DNAJC1: variants seen among roughly 807,000 people sequenced by gnomAD.
DNAJC1 encodes dnaJ homolog subfamily C member 1.
In DNAJC1, 58 loss-of-function variants were observed where a neutral mutation model predicts 76.6. The observed-to-expected ratio is 0.76, with a 90% CI of 0.61 to 0.94. DNAJC1 has a LOEUF of 0.94. Among genes scored for constraint, DNAJC1 ranks in the 40% least tolerant of loss-of-function variants. The probability of loss-of-function intolerance (pLI) is 0.00; values close to 1 mark genes in which losing one functional copy is unlikely to be tolerated. For missense variants in DNAJC1, 689 were observed against 677.3 expected (o/e 1.02, Z -0.19); for synonymous variants, 258 against 267.9 (o/e 0.96, Z 0.36).
At chr10:21,927,421 C>T (rs1023260373) in intron 3 of DNAJC1, among the ~76,000 whole-genome samples, 9 of 152,224 alleles carry the variant, frequency 5.9e-5, no homozygotes, top group Non-Finnish European at 1.2e-4. Context: ...ATGTATTACC[C>T]CCCTAGTGAA....
intron 1 of DNAJC1, among the ~76,000 whole-genome samples, chr10:21,947,975 A>C (rs1019579677): frequency 2.6e-5 from 4 of 152,194 alleles, no homozygotes; most frequent in Admixed American, 2.0e-4. Context: ...AATGACAAAG[A>C]AGCAAGGCAA....
chr10:21,843,606 G>T (rs1316399273), intron 8 of DNAJC1, among the ~76,000 whole-genome samples: 1 of 151,846 alleles, frequency 6.6e-6, no homozygotes, highest in Non-Finnish European at 1.5e-5. Flanking sequence ...TGTTAGCCAG[G>T]ATGGTCTCAA....
At chr10:21,943,139 C>A (rs1837446715) in intron 1 of DNAJC1, among the ~76,000 whole-genome samples, 1 of 151,666 alleles carries the variant, frequency 6.6e-6, no homozygotes, top group Admixed American at 6.6e-5. Flanking sequence ...AAATTCTACA[C>A]AGAGGAAAAT....
intron 6 of DNAJC1, among the ~76,000 whole-genome samples, chr10:21,911,493 A>G (rs1836863197): frequency 6.6e-6 from 1 of 152,194 alleles, no homozygotes; most frequent in Admixed American, 6.5e-5. Flanking sequence ...CAGAACTATA[A>G]TAAGACTAAA....
chr10:21,816,859 TAAA>T (rs1290952806), intron 8 of DNAJC1, among the ~76,000 whole-genome samples: 2 of 116,220 alleles, frequency 1.7e-5, no homozygotes, highest in Admixed American at 8.5e-5. Context: ...CTCTGTCTCT[TAAA>T]AAAAAAAAAA....
chr10:21,853,815 A>G (rs2131691564), intron 8 of DNAJC1, among the ~76,000 whole-genome samples: 1 of 150,860 alleles, frequency 6.6e-6, no homozygotes, highest in East Asian at 1.9e-4. Flanking sequence ...AAAAAAAAAA[A>G]AGACTATCAC....
At chr10:21,765,910 G>A (rs1269308778) in intron 10 of DNAJC1, among the ~76,000 whole-genome samples, 1 of 152,246 alleles carries the variant, frequency 6.6e-6, no homozygotes, top group South Asian at 2.1e-4. Context: ...AGCTCTGCAA[G>A]TGCGGCAGTG....
At chr10:21,842,747 G>C (rs1263793463) in intron 8 of DNAJC1, among the ~76,000 whole-genome samples, 1 of 152,138 alleles carries the variant, frequency 6.6e-6, no homozygotes, top group Non-Finnish European at 1.5e-5. Flanking sequence ...TTCCACCTCT[G>C]CCTTCCCATA....
intron 9 of DNAJC1, among the ~76,000 whole-genome samples, chr10:21,786,749 G>A (rs1211089128): frequency 6.6e-6 from 1 of 152,008 alleles, no homozygotes; most frequent in Non-Finnish European, 1.5e-5. Context: ...GGGATTATAG[G>A]CATGAGCCAC....
intron 1 of DNAJC1, among the ~76,000 whole-genome samples, chr10:21,974,770 G>T (rs1326428562): frequency 6.6e-6 from 1 of 151,968 alleles, no homozygotes; most frequent in Non-Finnish European, 1.5e-5. Context: ...GAGAAAAAAC[G>T]ATGTTACTTA....
At chr10:21,984,501 A>G (rs1346687090) in intron 1 of DNAJC1, among the ~76,000 whole-genome samples, 1 of 152,216 alleles carries the variant, frequency 6.6e-6, no homozygotes, top group Non-Finnish European at 1.5e-5. Flanking sequence ...TCACCCTTTA[A>G]GAGCTTTACC....
At chr10:21,933,603 G>A (rs2131786027) in intron 1 of DNAJC1, among the ~76,000 whole-genome samples, 1 of 152,238 alleles carries the variant, frequency 6.6e-6, no homozygotes, top group East Asian at 1.9e-4. Context: ...CCAACTGAGT[G>A]TGGAAGGCAT....
intron 8 of DNAJC1, among the ~76,000 whole-genome samples, chr10:21,845,522 T>C (rs1348503156): frequency 1.3e-5 from 2 of 151,922 alleles, no homozygotes; most frequent in Admixed American, 1.3e-4. Context: ...GCCCGGCTAA[T>C]GTTTGTATTT....
intron 1 of DNAJC1, among the ~76,000 whole-genome samples, chr10:21,935,393 C>A (rs562786722): frequency 2.0e-3 from 309 of 151,878 alleles, no homozygotes; most frequent in African/African-American, 7.2e-3. Flanking sequence ...GCAGAAGAAA[C>A]AATCAATGAA....
Position 22,003,637 on chromosome 10 carries a change from G to C in DNAJC1, c.-203C>G, listed in dbSNP as rs895982768. 6.1e-6 allele frequency: 3 copies of C among 489,286 alleles called. No homozygotes were observed. Among genetic ancestry groups the C allele is most frequent in the Non-Finnish European group, 9.7e-6 (3 of 309,390 alleles). 30.3% of individuals were successfully genotyped at this position (489,286 alleles called of 1,614,324 possible). A position where few individuals can be genotyped will look rare whatever the true frequency, so the allele number is the denominator to read the frequency against. On this transcript the variant is annotated 5_prime_UTR_variant, in exon 1 of 12. Coordinates refer to ENST00000376980, the MANE Select transcript of DNAJC1 (RefSeq NM_022365.4). ...TGCCGGACGGGCGGGTGGGTAGGCG[G>C]GCGGGGCCGCAGCCAGCGCTACGTT...
chr10:21,756,752 C>A lies in DNAJC1; in HGVS notation c.1600G>T (p.Asp534Tyr). 6.8e-6 allele frequency: 11 copies of A among 1,613,126 alleles called. No homozygotes were observed. Among genetic ancestry groups the A allele is most frequent in the Non-Finnish European group, 9.3e-6 (11 of 1,179,942 alleles). ...ARCVPSKSKE[D>Y]CIARYKLLVE... ...AGCAACTTGTACCTAGCGATACAGT[C>A]TTCCTGTAGGAAGAAAAAAAGAGAG... Residue 534 changes from aspartate (D) to tyrosine (Y), a missense_variant, in exon 12 of 12, where the codon GAC becomes TAC. Coordinates refer to ENST00000376980, the MANE Select transcript of DNAJC1 (RefSeq NM_022365.4).
chr10:21,780,953 T>C (rs1834521070), intron 9 of DNAJC1, among the ~76,000 whole-genome samples: 1 of 152,134 alleles, frequency 6.6e-6, no homozygotes, highest in African/African-American at 2.4e-5. Context: ...GCAATCCTAG[T>C]CTCTGATAAA....
chr10:21,952,088 G>A (rs1300126767), intron 1 of DNAJC1, among the ~76,000 whole-genome samples: 1 of 152,090 alleles, frequency 6.6e-6, no homozygotes, highest in African/African-American at 2.4e-5. Flanking sequence ...ATCAACTGTT[G>A]CCAACATTAT....
chr10:21,910,928 GGAGA>G (rs1307767657), intron 6 of DNAJC1, among the ~76,000 whole-genome samples: 4 of 144,232 alleles, frequency 2.8e-5, no homozygotes, highest in Non-Finnish European at 4.5e-5. Flanking sequence ...AGAGAGAGAT[GGAGA>G]GAGAGAAAGA....
Sources: allele counts gnomAD v4.1 joint callset (sites outside exome capture counted in the v4.1 genomes callset), GRCh38; gene constraint gnomAD v4.1.1; transcripts MANE v1.5; gene names NCBI Gene and HGNC (gene_info 2026-07-23, HGNC 2026-07-21).